Variants in KNTC1 observed in about 807,000 individuals in gnomAD.
KNTC1 encodes kinetochore-associated protein 1.
Under a neutral mutation model 314.4 loss-of-function variants are expected in KNTC1, and 253 were observed. That is an observed-to-expected ratio of 0.80 (90% CI 0.73 to 0.89). KNTC1 has a LOEUF of 0.89. Among genes scored for constraint, KNTC1 ranks in the 40% least tolerant of loss-of-function variants. The pLI is 0.00. For synonymous variants in KNTC1, 901 were observed against 901.4 expected (o/e 1.00, Z 0.01); for missense variants, 2,475 against 2,572.9 (o/e 0.96, Z 0.82).
intron 40 of KNTC1, 33 bp from the exon 41 acceptor site, chr12:122,590,574 G>A (rs1279733697): frequency 6.3e-7 from 1 of 1,575,270 alleles, no homozygotes; most frequent in Non-Finnish European, 8.6e-7. Flanking sequence ...TGATTGTGAA[G>A]AATTTGCTTC....
chr12:122,536,164 A>G (rs1041992010), intron 3 of KNTC1, among the ~76,000 whole-genome samples: 12 of 151,366 alleles, frequency 7.9e-5, no homozygotes, highest in African/African-American at 2.7e-4. Flanking sequence ...CGGCCTCCCA[A>G]AGTGCTGGGA....
chr12:122,568,784 C>T (rs1001514376), intron 21 of KNTC1, among the ~76,000 whole-genome samples: 7 of 151,476 alleles, frequency 4.6e-5, no homozygotes, highest in East Asian at 1.9e-4. Context: ...TGCAGTGAGC[C>T]GAGATCACGC....
Position 122,527,335 on chromosome 12 carries a change from A to G in KNTC1, c.-90A>G, listed in dbSNP as rs1481531241. 1.2e-5 allele frequency: 2 copies of G among 173,822 alleles called. No individual in the cohort carries two copies. Among genetic ancestry groups the G allele is most frequent in the African/African-American group, 4.8e-5 (2 of 41,772 alleles). 10.8% of individuals were successfully genotyped at this position (173,822 alleles called of 1,614,324 possible). A position where few individuals can be genotyped will look rare whatever the true frequency, so the allele number is the denominator to read the frequency against. Reference sequence around the variant, plus strand: ...GCCAGATATCTGAGTGTTCCTCTTTAGTTTCTTCAATTGCAGGTGAGGACG... The same window carrying G: ...GCCAGATATCTGAGTGTTCCTCTTTGGTTTCTTCAATTGCAGGTGAGGACG... On this transcript the variant is annotated 5_prime_UTR_variant, in exon 1 of 64. Transcript: ENST00000333479.
At chr12:122,554,983 T>A (rs1401290849) in intron 16 of KNTC1, among the ~76,000 whole-genome samples, 3 of 152,136 alleles carry the variant, frequency 2.0e-5, no homozygotes, top group Non-Finnish European at 4.4e-5. Flanking sequence ...AGTTCCAGGC[T>A]GCAGTGAGCT....
At chr12:122,622,145 C>T (rs1441031304) in intron 61 of KNTC1, among the ~76,000 whole-genome samples, 175 bp downstream of exon 61, 1 of 152,172 alleles carries the variant, frequency 6.6e-6, no homozygotes, top group Non-Finnish European at 1.5e-5. Flanking sequence ...GGACCCTGAG[C>T]GTCTTGTTGA....
intron 62 of KNTC1, among the ~76,000 whole-genome samples, chr12:122,623,742 A>G (rs1566025572): frequency 6.6e-6 from 1 of 152,252 alleles, no homozygotes; most frequent in East Asian, 1.9e-4. Flanking sequence ...GCCCAGGGGA[A>G]AAGCACTCAG....
intron 33 of KNTC1, among the ~76,000 whole-genome samples, chr12:122,580,905 G>A (rs1269200817): frequency 1.3e-5 from 2 of 151,970 alleles, no homozygotes; most frequent in Non-Finnish European, 2.9e-5. Context: ...GCACTCACCT[G>A]TAGTCCCAGC....
chr12:122,572,792 A>T, intron 24 of KNTC1, 145 bp from the exon 25 acceptor site: 1 of 580,946 alleles, frequency 1.7e-6, no homozygotes, highest in Non-Finnish European at 3.0e-6. Flanking sequence ...TACAAAATTT[A>T]GAGCATAAGT....
chr12:122,580,676 CAT>C lies in KNTC1; in HGVS notation c.2982+9_2982+10del, dbSNP rs1965356056. ...AAGAGGTTGCTAGCTTACAGGTAAA[CAT>C]ATTGAGCCATGTTAAACATTATTAC... On this transcript the variant is annotated splice_region_variant and intron_variant, in intron 33 of 63. Coordinates refer to ENST00000333479, the MANE Select transcript of KNTC1 (RefSeq NM_014708.6). 1 of 1,524,280 alleles carries C rather than the reference CAT, an allele frequency of 6.6e-7. No homozygotes were observed. The highest frequency in any genetic ancestry group is 8.9e-7 in the Non-Finnish European group (1 of 1,120,434). The allele number at this position is 1,524,280 out of a possible 1,614,324, so 94.4% of individuals were successfully genotyped here.
At position 122,622,470 on chromosome 12, in the gene KNTC1, T is replaced by C; in HGVS notation, c.6378T>C (p.Ser2126=). ...QLAGFSHQIR[S]LILNNIINKK... ...TACCTGTCATTCTATAGATTAGAAG[T>C]CTGATTTTGAATAATATCATCAATA... The change falls in exon 62 of 64, where the codon AGT becomes AGC. Residue 2126 remains serine (S), a synonymous_variant. Coordinates refer to ENST00000333479, the MANE Select transcript of KNTC1 (RefSeq NM_014708.6). 1 of 1,575,826 alleles carries C rather than the reference T, an allele frequency of 6.3e-7. No homozygotes were observed. Among genetic ancestry groups the C allele is most frequent in the Non-Finnish European group, 8.6e-7 (1 of 1,156,830 alleles).
intron 8 of KNTC1, 103 bp downstream of exon 8, chr12:122,544,372 G>A (rs1023479458): frequency 9.9e-6 from 6 of 605,106 alleles, no homozygotes; most frequent in East Asian, 3.2e-5. Context: ...ACATATAACC[G>A]AAACAAGGAA....
Position 122,571,030 on chromosome 12 carries a change from T to C in KNTC1, c.1923T>C (p.Asn641=), listed in dbSNP as rs762016373. 4 of 1,613,180 alleles carry C rather than the reference T, an allele frequency of 2.5e-6. No homozygotes were observed. The highest frequency in any genetic ancestry group is 1.1e-5 in the South Asian group (1 of 91,026). ...ARNLELTDKA[N]WPENGLQLAE... Reference sequence around the variant, plus strand: ...GTCTGTAATCTTTTTTAAAGGCAAATTGGCCAGAAAATGGACTTCAATTGG... The same window carrying C: ...GTCTGTAATCTTTTTTAAAGGCAAACTGGCCAGAAAATGGACTTCAATTGG... Residue 641 remains asparagine, a synonymous_variant, in exon 24 of 64, where the codon AAT becomes AAC. Transcript: ENST00000333479.
At chr12:122,541,344 C>T (rs1283175603) in intron 5 of KNTC1, among the ~76,000 whole-genome samples, 14 of 142,900 alleles carry the variant, frequency 9.8e-5, no homozygotes, top group Admixed American at 9.7e-4. Context: ...TCTGTCTCTC[C>T]CTCTCTTTTT....
intron 6 of KNTC1, 53 bp from the exon 7 acceptor site, chr12:122,543,547 A>C (rs1297184145): frequency 8.1e-7 from 1 of 1,241,672 alleles, no homozygotes; most frequent in Non-Finnish European, 1.1e-6. Context: ...GGTGACTTGT[A>C]TTATTTTGTA....
intron 2 of KNTC1, among the ~76,000 whole-genome samples, chr12:122,533,241 A>G (rs1476962686): frequency 2.0e-5 from 3 of 150,272 alleles, no homozygotes; most frequent in Non-Finnish European, 4.4e-5. Flanking sequence ...ATCTTGGCTC[A>G]CTGCAACCTC....
At chr12:122,564,942 TG>T (rs1239209914) in intron 20 of KNTC1, among the ~76,000 whole-genome samples, 1 of 152,186 alleles carries the variant, frequency 6.6e-6, no homozygotes, top group Non-Finnish European at 1.5e-5. Context: ...AGTATATCTG[TG>T]GATTCAATTT....
At chr12:122,591,250 G>T (rs1870148626) in intron 41 of KNTC1, 87 bp from the exon 42 acceptor site, 1 of 774,998 alleles carries the variant, frequency 1.3e-6, no homozygotes. Flanking sequence ...ACAAAGTTAT[G>T]ATTTTTATTG....
chr12:122,609,574 T>A, intron 52 of KNTC1, 144 bp downstream of exon 52: 1 of 582,148 alleles, frequency 1.7e-6, no homozygotes, highest in South Asian at 2.4e-5. Flanking sequence ...AGTTCACTAA[T>A]ACGTGGCTAG....
Position 122,570,862 on chromosome 12 carries a change from A to G in KNTC1, c.1861-14A>G, listed in dbSNP as rs1289755619. Reference sequence around the variant, plus strand: ...TATCCATTAAGAATTTCATTTTTAAATAATCTATTTCAGATAATTCTTGCA... The same window carrying G: ...TATCCATTAAGAATTTCATTTTTAAGTAATCTATTTCAGATAATTCTTGCA... On this transcript the variant is annotated splice_polypyrimidine_tract_variant and intron_variant, in intron 22 of 63. Coordinates refer to ENST00000333479, the MANE Select transcript of KNTC1 (RefSeq NM_014708.6). 2.0e-6 allele frequency: 3 copies of G among 1,499,888 alleles called. No homozygotes were observed. The highest frequency in any genetic ancestry group is 2.8e-5 in the African/African-American group (2 of 71,790). The allele number at this position is 1,499,888 out of a possible 1,614,324, so 92.9% of individuals were successfully genotyped here.
Sources: gnomAD v4.1 joint callset for allele counts (sites outside exome capture counted in the v4.1 genomes callset) on GRCh38, gnomAD v4.1.1 for gene constraint, MANE v1.5 for transcripts, NCBI Gene and HGNC (gene_info 2026-07-23, HGNC 2026-07-21) for gene names.